The following RMI1 variants were observed in gnomAD, a reference collection of about 807,000 sequenced individuals.
RMI1 encodes the protein recQ-mediated genome instability protein 1.
A neutral mutation model predicts 46.7 loss-of-function variants in RMI1; 36 were observed. The ratio of observed to expected loss-of-function variants is 0.77; its 90% CI spans 0.59 to 1.02. The LOEUF (loss-of-function observed/expected upper bound fraction) is 1.02. Among genes scored for constraint, RMI1 ranks in the 50% least tolerant of loss-of-function variants. The probability of loss-of-function intolerance (pLI) is 0.00; values close to 1 mark genes in which losing one functional copy is unlikely to be tolerated. For synonymous variants in RMI1, 250 were observed against 252.9 expected, an observed-to-expected ratio of 0.99 and a Z score of 0.11; for missense variants, 676 against 713.7, an observed-to-expected ratio of 0.95 and a Z score of 0.60.
Position 84,002,574 on chromosome 9 carries a change from A to G in RMI1, c.1588A>G (p.Ile530Val), listed in dbSNP as rs148663552. 672 of 1,613,986 alleles carry G rather than the reference A, an allele frequency of 4.2e-4. 2 individuals carry two copies. The African/African-American group carries it at 4.4e-3, about 11-fold the overall frequency. Reference protein sequence around the residue: ...NLSSSGGIWSITAKVSDGTAY... With the variant: ...NLSSSGGIWSVTAKVSDGTAY... The stretch of plus-strand genomic sequence containing the variant: ...CTCAAGTTCTGGTGGTATTTGGAGT[A>G]TAACTGCAAAGGTGTCTGATGGTAC... Residue 530 changes from isoleucine (I) to valine (V), a missense_variant, in exon 3 of 3, where the codon ATA becomes GTA. Physicochemically the swap from Ile to Val is conservative, Grantham distance 29 (BLOSUM62 3). Coordinates refer to ENST00000445877, the MANE Select transcript of RMI1 (RefSeq NM_001358291.2).
intron 1 of RMI1, among the ~76,000 whole-genome samples, chr9:83,987,276 C>G (rs1016691082): frequency 3.3e-5 from 5 of 152,262 alleles, no homozygotes; most frequent in African/African-American, 1.2e-4. Flanking sequence ...TTGACTCACA[C>G]TCCTGACCTC....
chr9:83,981,297 T>C (rs1957385982), intron 1 of RMI1, among the ~76,000 whole-genome samples: 1 of 152,240 alleles, frequency 6.6e-6, no homozygotes, highest in African/African-American at 2.4e-5. Context: ...CGCTGTAGTT[T>C]ATTCCGATAA....
chr9:83,999,470 C>G (rs957750491), intron 1 of RMI1, among the ~76,000 whole-genome samples: 1 of 152,064 alleles, frequency 6.6e-6, no homozygotes, highest in African/African-American at 2.4e-5. Flanking sequence ...AGTCTAGCAC[C>G]AGAGATGTAC....
intron 1 of RMI1, among the ~76,000 whole-genome samples, chr9:83,999,427 G>A (rs1387293568): frequency 1.3e-5 from 2 of 152,120 alleles, no homozygotes; most frequent in Non-Finnish European, 2.9e-5. Flanking sequence ...AACTTGTTTA[G>A]AGTCAGAGGT....
chr9:84,002,176 A>G lies in RMI1; in HGVS notation c.1190A>G (p.Gln397Arg). Reference sequence around the variant, plus strand: ...TTTGGTTGTCCATCTGTTAGAGACCAAAACAGGAGTATTTTTTCAGTTCAT... The same window carrying G: ...TTTGGTTGTCCATCTGTTAGAGACCGAAACAGGAGTATTTTTTCAGTTCAT... ...KSFGCPSVRD[Q>R]NRSIFSVHCN... Residue 397 changes from glutamine to arginine, a missense_variant, in exon 3 of 3, where the codon CAA becomes CGA. By Grantham distance (43) the Gln-to-Arg change is conservative (BLOSUM62 1). Coordinates refer to ENST00000445877, the MANE Select transcript of RMI1 (RefSeq NM_001358291.2). 6.2e-7 allele frequency: 1 copy of G among 1,613,726 alleles called. No homozygotes were observed. Among genetic ancestry groups the G allele is most frequent in the Non-Finnish European group, 8.5e-7 (1 of 1,179,830 alleles).
upstream of RMI1, chr9:83,980,566 G>A (rs1178372269): frequency 1.3e-5 from 2 of 152,832 alleles, no homozygotes; most frequent in Non-Finnish European, 2.9e-5. Flanking sequence ...GAGAAACAGA[G>A]GATAATGGCG....
At chr9:83,988,235 C>G (rs1183737833) in intron 1 of RMI1, among the ~76,000 whole-genome samples, 2 of 152,132 alleles carry the variant, frequency 1.3e-5, no homozygotes, top group Non-Finnish European at 2.9e-5. Context: ...TGAGTAAATA[C>G]CTTGCAGTTG....
chr9:83,998,534 T>C (rs984912233), intron 1 of RMI1, among the ~76,000 whole-genome samples: 1 of 152,194 alleles, frequency 6.6e-6, no homozygotes, highest in African/African-American at 2.4e-5. Flanking sequence ...GAGGCAGTGA[T>C]AAGGAATCCA....
intron 1 of RMI1, among the ~76,000 whole-genome samples, chr9:83,981,664 T>G (rs1161467511): frequency 6.6e-6 from 1 of 152,244 alleles, no homozygotes; most frequent in African/African-American, 2.4e-5. Context: ...AAACTCATTT[T>G]GAAGCATAAA....
chr9:84,002,580 G>A lies in RMI1; in HGVS notation c.1594G>A (p.Ala532Thr). The change falls in exon 3 of 3, where the codon GCA becomes ACA. Residue 532 changes from alanine (A) to threonine (T), a missense_variant. Transcript: ENST00000445877. The stretch of plus-strand genomic sequence containing the variant: ...TTCTGGTGGTATTTGGAGTATAACT[G>A]CAAAGGTGTCTGATGGTACTGCATA... ...SSSGGIWSITAKVSDGTAYLD... is the reference protein window; with the variant it reads ...SSSGGIWSITTKVSDGTAYLD... 1 of 1,613,926 alleles carries A rather than the reference G, an allele frequency of 6.2e-7. No homozygotes were observed. The highest frequency in any genetic ancestry group is 8.5e-7 in the Non-Finnish European group (1 of 1,179,876).
chr9:84,000,018 A>G (rs1957715001), intron 2 of RMI1, among the ~76,000 whole-genome samples: 1 of 152,198 alleles, frequency 6.6e-6, no homozygotes, highest in South Asian at 2.1e-4. Context: ...GATGCTTTAC[A>G]TCTATCAGCT....
In RMI1 at chr9:84,002,081, T is replaced by G. The variant is rs1957746420; in HGVS notation, c.1095T>G (p.Thr365=). ...NPNTTNNFSL[T]CKNGNNNWSE... is the part of the protein sequence containing the mutation. Reference sequence around the variant, plus strand: ...ATACTACGAATAACTTTTCTTTGACTTGCAAAAATGGAAACAATAATTGGA... The same window carrying G: ...ATACTACGAATAACTTTTCTTTGACGTGCAAAAATGGAAACAATAATTGGA... Residue 365 remains threonine (T), a synonymous_variant, in exon 3 of 3, where the codon ACT becomes ACG. Transcript: ENST00000445877. 1 of 1,613,812 alleles carries G rather than the reference T, an allele frequency of 6.2e-7. No individual in the cohort carries two copies. The highest frequency in any genetic ancestry group is 1.7e-5 in the Admixed American group (1 of 59,950).
chr9:83,982,235 C>T (rs1957421631), intron 1 of RMI1, among the ~76,000 whole-genome samples: 1 of 152,208 alleles, frequency 6.6e-6, no homozygotes, highest in Non-Finnish European at 1.5e-5. Flanking sequence ...AGACATGTCA[C>T]TGACACTAAT....
chr9:83,990,801 T>A (rs1204095945), intron 1 of RMI1, among the ~76,000 whole-genome samples: 1 of 151,954 alleles, frequency 6.6e-6, no homozygotes, highest in Non-Finnish European at 1.5e-5. Context: ...CTTTCTTTCT[T>A]TTTATTTATT....
At chr9:83,989,582 T>C (rs527550107) in intron 1 of RMI1, among the ~76,000 whole-genome samples, 1 of 150,550 alleles carries the variant, frequency 6.6e-6, no homozygotes, top group South Asian at 2.1e-4. Flanking sequence ...CATGAAAAAA[T>C]ATTCGACATC....
At chr9:83,995,822 CT>C (rs1443643641) in intron 1 of RMI1, among the ~76,000 whole-genome samples, 1 of 152,128 alleles carries the variant, frequency 6.6e-6, no homozygotes, top group African/African-American at 2.4e-5. Flanking sequence ...TTTATCCCAT[CT>C]ATTGATTTTA....
At chr9:83,992,621 A>G (rs560725805) in intron 1 of RMI1, among the ~76,000 whole-genome samples, 5 of 152,362 alleles carry the variant, frequency 3.3e-5, no homozygotes, top group Middle Eastern at 3.4e-3. Flanking sequence ...TGCTCTGCAC[A>G]TGTTCATGAA....
chr9:84,000,273 T>C (rs551882689), intron 2 of RMI1, among the ~76,000 whole-genome samples: 1 of 152,318 alleles, frequency 6.6e-6, no homozygotes, highest in South Asian at 2.1e-4. Context: ...GTTTCAGTTA[T>C]CTGCAGTCAA....
At position 84,001,414 on chromosome 9, in the gene RMI1, T is replaced by C. The variant is rs370446452; in HGVS notation, c.428T>C (p.Ile143Thr). The change falls in exon 3 of 3, where the codon ATC becomes ACC. Residue 143 changes from isoleucine (I) to threonine (T), a missense_variant. Physicochemically the swap from Ile to Thr is moderately conservative, Grantham distance 89. Coordinates refer to ENST00000445877, the MANE Select transcript of RMI1 (RefSeq NM_001358291.2). ...TTGATGCTGCAGCTAACTGATGGAA[T>C]CGTACAAATACAGGGAATGGAATAT... ...RMLMLQLTDG[I>T]VQIQGMEYQP... 1 of 1,614,122 alleles carries C rather than the reference T, an allele frequency of 6.2e-7. No individual in the cohort carries two copies. Among genetic ancestry groups the C allele is most frequent in the Non-Finnish European group, 8.5e-7 (1 of 1,180,002 alleles).
Sources: allele counts gnomAD v4.1 joint callset (sites outside exome capture counted in the v4.1 genomes callset), GRCh38; gene constraint gnomAD v4.1.1; transcripts MANE v1.5; gene names NCBI Gene and HGNC (gene_info 2026-07-23, HGNC 2026-07-21).